SUMF2: variants seen among roughly 807,000 people sequenced by gnomAD.
SUMF2 encodes inactive C-alpha-formylglycine-generating enzyme 2.
SUMF2 carries 45 observed loss-of-function variants against 44.8 expected under a neutral mutation model. The observed-to-expected ratio is 1.00, with a 90% CI of 0.79 to 1.29. SUMF2 has a LOEUF of 1.29. Ranked by LOEUF, SUMF2 falls within the 50% of genes most tolerant of loss-of-function variation. The pLI is 0.00. For synonymous variants in SUMF2, 148 were observed against 150.4 expected (o/e 0.98, Z 0.12); for missense variants, 418 against 389.9 (o/e 1.07, Z -0.61).
chr7:56,067,114 A>C (rs1193540282), intron 1 of SUMF2, among the ~76,000 whole-genome samples: 1 of 152,192 alleles, frequency 6.6e-6, no homozygotes, highest in Non-Finnish European at 1.5e-5. Flanking sequence ...AGTGGAGAGG[A>C]AGAGGCAGAG....
At chr7:56,065,814 G>A (rs538823434) in intron 1 of SUMF2, among the ~76,000 whole-genome samples, 22 of 152,202 alleles carry the variant, frequency 1.4e-4, no homozygotes, top group African/African-American at 5.1e-4. Flanking sequence ...CAGGTGAGGT[G>A]GCTCACGCTT....
At chr7:56,064,492 C>T in intron 1 of SUMF2, 114 bp downstream of exon 1, 2 of 1,428,570 alleles carry the variant, frequency 1.4e-6, no homozygotes, top group Non-Finnish European at 1.9e-6. Context: ...GCTGCAGCGG[C>T]AGGCTGGGGA....
downstream of SUMF2, among the ~76,000 whole-genome samples, chr7:56,085,402 AT>A (rs1271378014): frequency 3.9e-5 from 6 of 152,198 alleles, no homozygotes; most frequent in African/African-American, 1.4e-4. Context: ...CTGGCCCATG[AT>A]AAGTCTGGAA....
At chr7:56,087,371 ACCAGCATGCCT>A in the SUMF2 span, among the ~76,000 whole-genome samples, 1 of 151,968 alleles carries the variant, frequency 6.6e-6, no homozygotes, top group South Asian at 2.1e-4. Flanking sequence ...ACAGGCATGC[ACCAGCATGCCT>A]GGCTAATTCA....
In SUMF2 at chr7:56,066,706, C is replaced by T. The variant is rs930001494; in HGVS notation, c.68-1776C>T. On this transcript the variant is annotated intron_variant, in intron 1 of 8. Coordinates refer to ENST00000434526, the MANE Select transcript of SUMF2 (RefSeq NM_015411.4). Reference sequence around the variant, plus strand: ...CGTGATCTCGGCTCACTGCAACCTCCGCCTCCCGGGTGCAAGCGATTCTCC... The same window carrying T: ...CGTGATCTCGGCTCACTGCAACCTCTGCCTCCCGGGTGCAAGCGATTCTCC... 3.9e-5 allele frequency among the ~76,000 whole-genome samples: 6 copies of T among 152,312 alleles called. No homozygotes were observed. The South Asian group carries it at 6.2e-4, about 16-fold the overall frequency.
At chr7:56,078,294 C>T in intron 7 of SUMF2, 70 bp from the exon 8 acceptor site, 7 of 1,560,424 alleles carry the variant, frequency 4.5e-6, no homozygotes. Flanking sequence ...ATTTGGCCCC[C>T]AGGACCTCAG....
At chr7:56,076,802 C>T in intron 5 of SUMF2, 32 bp from the exon 6 acceptor site, 2 of 1,567,832 alleles carry the variant, frequency 1.3e-6, no homozygotes, top group Non-Finnish European at 1.7e-6. Flanking sequence ...TTCACCTCCC[C>T]CTCCTCTGCT....
intron 6 of SUMF2, among the ~76,000 whole-genome samples, 183 bp from the exon 7 acceptor site, chr7:56,077,919 G>A (rs1362787731): frequency 6.6e-6 from 1 of 151,962 alleles, no homozygotes; most frequent in Non-Finnish European, 1.5e-5. Context: ...CAGCAGTGGG[G>A]GTCACCCTGG....
At chr7:56,074,433 T>A (rs1795395583) in intron 4 of SUMF2, 153 bp from the exon 5 acceptor site, 2 of 1,126,822 alleles carry the variant, frequency 1.8e-6, no homozygotes, top group South Asian at 3.1e-5. Flanking sequence ...GTAGTCTCTT[T>A]TTTCTGACTC....
chr7:56,079,085 G>T, intron 8 of SUMF2: 2 of 527,640 alleles, frequency 3.8e-6, no homozygotes, highest in South Asian at 2.8e-5. Flanking sequence ...TGCTGCCTAG[G>T]TTTGTCTCAT....
rs765407024 is a variant in SUMF2 at position 56,078,186 on chromosome 7, G to T, written c.676G>T (p.Gly226Trp). Reference protein sequence around the residue: ...VNAFPAQNNYGLYDLLGNVWE... With the variant: ...VNAFPAQNNYWLYDLLGNVWE... ...TGCTTTCCCCGCCCAGAACAACTAC[G>T]GTAAGAGCTGTCTTGGGCTTGCGGC... Residue 226 changes from glycine to tryptophan, a missense_variant and splice_region_variant, in exon 7 of 9, where the codon GGG becomes TGG. Transcript: ENST00000434526. 1 of 1,610,386 alleles carries T rather than the reference G, an allele frequency of 6.2e-7. No homozygotes were observed. The highest frequency in any genetic ancestry group is 8.5e-7 in the Non-Finnish European group (1 of 1,177,024).
downstream of SUMF2, among the ~76,000 whole-genome samples, chr7:56,085,633 C>A (rs1796218693): frequency 6.6e-6 from 1 of 152,168 alleles, no homozygotes; most frequent in African/African-American, 2.4e-5. Flanking sequence ...AATCCCGCCT[C>A]ATTACAGTCG....
downstream of SUMF2, chr7:56,084,278 G>A (rs755592453): frequency 1.6e-5 from 20 of 1,286,826 alleles, 2 homozygotes; most frequent in South Asian, 2.2e-4. Flanking sequence ...GGGATGTATC[G>A]GGGCCTAAAT....
At position 56,073,081 on chromosome 7, in the gene SUMF2, G is replaced by A; in HGVS notation, c.309G>A (p.Glu103=). The A allele has an allele frequency of 6.2e-7, 1 of 1,614,140 alleles. No homozygotes were observed. The highest frequency in any genetic ancestry group is 1.1e-5 in the South Asian group (1 of 91,084). Reference sequence around the variant, plus strand: ...TCTTTGAGGACTTTGTCTCTGATGAGCTGAGAAACAAAGCCACCCAGCCAA... The same window carrying A: ...TCTTTGAGGACTTTGTCTCTGATGAACTGAGAAACAAAGCCACCCAGCCAA... ...SFVFEDFVSD[E]LRNKATQPMK... Residue 103 remains glutamate (E), a synonymous_variant, in exon 3 of 9, where the codon GAG becomes GAA. Transcript: ENST00000434526.
Position 56,069,490 on chromosome 7 carries a change from T to C in SUMF2, c.224+852T>C, listed in dbSNP as rs555047446. ...GTATATAAATATACATACACACACA[T>C]ATATATATAAATACATATATATAAC... On this transcript the variant is annotated intron_variant, in intron 2 of 8. Coordinates refer to ENST00000434526, the MANE Select transcript of SUMF2 (RefSeq NM_015411.4). Among the ~76,000 whole-genome samples the C allele has an allele frequency of 4.6e-5, 7 of 151,928 alleles. No homozygotes were observed. In the East Asian group the frequency reaches 7.7e-4, roughly 17 times the overall value.
rs549646365 is a variant in SUMF2 at position 56,071,910 on chromosome 7, G to C, written c.225-1087G>C. On this transcript the variant is annotated intron_variant, in intron 2 of 8. Coordinates refer to ENST00000434526, the MANE Select transcript of SUMF2 (RefSeq NM_015411.4). ...GCAGATCATGAAGTCAGGAGTTTGA[G>C]ACCAGCCTGGCCAACATGGTGAAAC... Among the ~76,000 whole-genome samples, 22 of 152,100 alleles carry C rather than the reference G, an allele frequency of 1.4e-4. No homozygotes were observed. In the South Asian group the frequency reaches 4.4e-3, roughly 30 times the overall value.
intron 1 of SUMF2, 77 bp downstream of exon 1, chr7:56,064,455 G>T: frequency 6.7e-7 from 1 of 1,503,036 alleles, no homozygotes; most frequent in South Asian, 1.3e-5. Flanking sequence ...GAGAGCCTTA[G>T]GCCCTTCTGC....
At chr7:56,066,723 C>A (rs1047097436) in intron 1 of SUMF2, among the ~76,000 whole-genome samples, 26 of 152,220 alleles carry the variant, frequency 1.7e-4, no homozygotes, top group African/African-American at 6.0e-4. Context: ...CGGGTGCAAG[C>A]GATTCTCCTG....
Position 56,079,626 on chromosome 7 carries a change from G to T in SUMF2, c.*14G>T. 6.2e-7 allele frequency: 1 copy of T among 1,614,236 alleles called. No homozygotes were observed. ...GGGGAGCTGTAAGCAGCCGGGTGGT[G>T]ACAAGGAGAAAAGCCTTCTAGGGTC... On this transcript the variant is annotated 3_prime_UTR_variant, in exon 9 of 9. Transcript: ENST00000434526.
Sources: gnomAD v4.1 joint callset for allele counts (sites outside exome capture counted in the v4.1 genomes callset) on GRCh38, gnomAD v4.1.1 for gene constraint, MANE v1.5 for transcripts, NCBI Gene and HGNC (gene_info 2026-07-23, HGNC 2026-07-21) for gene names.